HS6ST3: variants seen among roughly 807,000 people sequenced by gnomAD.
HS6ST3 encodes the protein heparan-sulfate 6-O-sulfotransferase 3.
Under a neutral mutation model 36.7 loss-of-function variants are expected in HS6ST3, and 12 were observed. The observed-to-expected ratio is 0.33, with a 90% CI of 0.21 to 0.53. The LOEUF is 0.53. HS6ST3 is among the 20% of genes least tolerant of loss of function. The pLI is 0.95. For missense variants in HS6ST3, 584 were observed against 640.9 expected (o/e 0.91, Z 0.96); for synonymous variants, 240 against 257.5 (o/e 0.93, Z 0.65).
chr13:96,251,506 A>G (rs1000632645), intron 1 of HS6ST3, among the ~76,000 whole-genome samples: 2 of 151,546 alleles, frequency 1.3e-5, no homozygotes, highest in Admixed American at 6.6e-5. Context: ...AGGTTTATTG[A>G]TTTTGTTTAT....
chr13:96,315,583 A>C (rs1403303210), intron 1 of HS6ST3, among the ~76,000 whole-genome samples: 7 of 152,094 alleles, frequency 4.6e-5, no homozygotes, highest in African/African-American at 1.7e-4. Flanking sequence ...ATAAAATTAA[A>C]TCTTTATATA....
chr13:96,700,489 C>A (rs1479011471), intron 1 of HS6ST3, among the ~76,000 whole-genome samples: 1 of 152,132 alleles, frequency 6.6e-6, no homozygotes, highest in Non-Finnish European at 1.5e-5. Flanking sequence ...CTGAGCATTT[C>A]TTTCCTGTTT....
chr13:96,269,193 G>T (rs2054707453), intron 1 of HS6ST3, among the ~76,000 whole-genome samples: 1 of 151,944 alleles, frequency 6.6e-6, no homozygotes, highest in Admixed American at 6.6e-5. Flanking sequence ...AATAAACTGT[G>T]TAAAGGGTCA....
chr13:96,761,419 C>A (rs1218303336), intron 1 of HS6ST3, among the ~76,000 whole-genome samples: 1 of 151,956 alleles, frequency 6.6e-6, no homozygotes, highest in South Asian at 2.1e-4. Flanking sequence ...GGTTACGTAT[C>A]TCCTACCTTT....
chr13:96,804,568 A>G (rs1392920273), intron 1 of HS6ST3, among the ~76,000 whole-genome samples: 2 of 152,178 alleles, frequency 1.3e-5, no homozygotes, highest in Non-Finnish European at 2.9e-5. Flanking sequence ...TCCTGCTTAT[A>G]TAGGTTCACC....
chr13:96,548,200 C>A (rs2056204788), intron 1 of HS6ST3, among the ~76,000 whole-genome samples: 2 of 152,076 alleles, frequency 1.3e-5, no homozygotes, highest in East Asian at 3.9e-4. Context: ...AGAGGAACTC[C>A]ATCTTCCTCA....
intron 1 of HS6ST3, among the ~76,000 whole-genome samples, chr13:96,394,219 C>T (rs60967091): frequency 0.03 from 4,601 of 152,120 alleles, 104 homozygotes; most frequent in African/African-American, 0.057. Flanking sequence ...TTGAACTTCT[C>T]CACAGCTATG....
At chr13:96,692,866 ATGT>A (rs1204122827) in intron 1 of HS6ST3, among the ~76,000 whole-genome samples, 3 of 152,158 alleles carry the variant, frequency 2.0e-5, no homozygotes, top group Admixed American at 6.5e-5. Context: ...AGGAGAAAAT[ATGT>A]TGTTGTCAGA....
intron 1 of HS6ST3, among the ~76,000 whole-genome samples, chr13:96,402,874 A>G (rs1216036234): frequency 6.6e-6 from 1 of 152,206 alleles, no homozygotes; most frequent in Non-Finnish European, 1.5e-5. Context: ...TGCAATACAT[A>G]TTTTTATATA....
chr13:96,635,400 C>T (rs538230269), intron 1 of HS6ST3, among the ~76,000 whole-genome samples: 5 of 152,168 alleles, frequency 3.3e-5, no homozygotes, highest in African/African-American at 1.2e-4. Flanking sequence ...ATTCCATGCC[C>T]TTCTGCCTTA....
At chr13:96,794,294 T>C (rs931619569) in intron 1 of HS6ST3, among the ~76,000 whole-genome samples, 1 of 152,104 alleles carries the variant, frequency 6.6e-6, no homozygotes, top group Non-Finnish European at 1.5e-5. Flanking sequence ...CTAAAACTCT[T>C]AACTTATAAG....
At chr13:96,538,052 T>C (rs2056162982) in intron 1 of HS6ST3, among the ~76,000 whole-genome samples, 1 of 152,218 alleles carries the variant, frequency 6.6e-6, no homozygotes, top group African/African-American at 2.4e-5. Flanking sequence ...CTATAATGGA[T>C]GCAAATAAAC....
At chr13:96,393,554 G>A (rs2055406654) in intron 1 of HS6ST3, among the ~76,000 whole-genome samples, 1 of 152,114 alleles carries the variant, frequency 6.6e-6, no homozygotes, top group South Asian at 2.1e-4. Flanking sequence ...AGTACTTGGA[G>A]AACATAAAAA....
chr13:96,733,717 A>T (rs965841484), intron 1 of HS6ST3, among the ~76,000 whole-genome samples: 2 of 152,218 alleles, frequency 1.3e-5, no homozygotes, highest in African/African-American at 4.8e-5. Flanking sequence ...GTCATAGATA[A>T]TGTAATGAGC....
At chr13:96,105,591 A>C (rs978747916) in intron 1 of HS6ST3, among the ~76,000 whole-genome samples, 2 of 152,184 alleles carry the variant, frequency 1.3e-5, no homozygotes, top group Non-Finnish European at 2.9e-5. Context: ...CGGAAGTTGC[A>C]GTGAGCTGAA....
chr13:96,751,987 C>T (rs2138493019), intron 1 of HS6ST3, among the ~76,000 whole-genome samples: 1 of 152,086 alleles, frequency 6.6e-6, no homozygotes, highest in Admixed American at 6.6e-5. Context: ...GGGATTATTA[C>T]TAATACTGAT....
chr13:96,203,152 A>G (rs753840412), intron 1 of HS6ST3, among the ~76,000 whole-genome samples: 1 of 152,030 alleles, frequency 6.6e-6, no homozygotes, highest in Non-Finnish European at 1.5e-5. Flanking sequence ...ACACGGCCCT[A>G]CTCCGTTTGC....
At chr13:96,686,330 C>A (rs1413273983) in intron 1 of HS6ST3, among the ~76,000 whole-genome samples, 1 of 151,984 alleles carries the variant, frequency 6.6e-6, no homozygotes. Context: ...TATTCATCCC[C>A]CCCACTCAAT....
intron 1 of HS6ST3, among the ~76,000 whole-genome samples, chr13:96,410,730 T>C (rs1252517875): frequency 6.6e-6 from 1 of 152,222 alleles, no homozygotes; most frequent in African/African-American, 2.4e-5. Context: ...ACTAGCATTA[T>C]TTTAAATAAA....
Sources: allele counts gnomAD v4.1 joint callset (sites outside exome capture counted in the v4.1 genomes callset), GRCh38; gene constraint gnomAD v4.1.1; transcripts MANE v1.5; gene names NCBI Gene and HGNC (gene_info 2026-07-23, HGNC 2026-07-21).